Variants in ZCCHC7 observed in about 807,000 individuals in gnomAD.
The protein encoded by ZCCHC7 is zinc finger CCHC-type containing 7.
Under a neutral mutation model 52.0 loss-of-function variants are expected in ZCCHC7, and 35 were observed. The ratio of observed to expected loss-of-function variants is 0.67; its 90% CI spans 0.51 to 0.89. The LOEUF (loss-of-function observed/expected upper bound fraction) is 0.89. Ranked by LOEUF, ZCCHC7 falls within the 40% of genes least tolerant of loss-of-function variation. The pLI is 0.00. For synonymous variants in ZCCHC7, 217 were observed against 221.5 expected (o/e 0.98, Z 0.18); for missense variants, 574 against 649.1 (o/e 0.88, Z 1.26).
chr9:37,347,309 T>C (rs546939583), intron 6 of ZCCHC7, among the ~76,000 whole-genome samples: 29 of 152,348 alleles, frequency 1.9e-4, no homozygotes, highest in East Asian at 1.7e-3. Flanking sequence ...CTTCATCTTA[T>C]TCTGCCGCTT....
chr9:37,226,419 TAA>T (rs1038866369), intron 2 of ZCCHC7, among the ~76,000 whole-genome samples: 19 of 150,656 alleles, frequency 1.3e-4, no homozygotes, highest in African/African-American at 4.2e-4. Context: ...AAAAAAAACT[TAA>T]GTTGAATTTT....
At chr9:37,315,092 T>A (rs1829756215) in intron 5 of ZCCHC7, among the ~76,000 whole-genome samples, 1 of 150,572 alleles carries the variant, frequency 6.6e-6, no homozygotes. Flanking sequence ...AACTTACAAA[T>A]GCCTGTAGAA....
intron 2 of ZCCHC7, among the ~76,000 whole-genome samples, chr9:37,137,694 G>A (rs1588361431): frequency 6.6e-6 from 1 of 152,134 alleles, no homozygotes; most frequent in Non-Finnish European, 1.5e-5. Flanking sequence ...GCTGTTCAAA[G>A]TAGAGCAGGT....
At chr9:37,346,913 C>T (rs1041738895) in intron 6 of ZCCHC7, among the ~76,000 whole-genome samples, 2 of 152,092 alleles carry the variant, frequency 1.3e-5, no homozygotes, top group African/African-American at 4.8e-5. Flanking sequence ...GGAGGATCGC[C>T]TGAGCCTGGG....
intron 2 of ZCCHC7, among the ~76,000 whole-genome samples, chr9:37,129,783 A>G (rs1009360227): frequency 1.3e-5 from 2 of 152,230 alleles, no homozygotes; most frequent in Non-Finnish European, 2.9e-5. Flanking sequence ...GGTCTTTTCC[A>G]TACTCATAAA....
intron 2 of ZCCHC7, among the ~76,000 whole-genome samples, chr9:37,291,727 C>T (rs1213436366): frequency 6.6e-6 from 1 of 151,862 alleles, no homozygotes; most frequent in Non-Finnish European, 1.5e-5. Context: ...GGAGTTTTCT[C>T]TTGTTGCCCA....
chr9:37,182,706 G>T (rs577398987), intron 2 of ZCCHC7, among the ~76,000 whole-genome samples: 2 of 152,348 alleles, frequency 1.3e-5, no homozygotes, highest in African/African-American at 4.8e-5. Context: ...AGACAGCCTT[G>T]TGGAAAATCA....
chr9:37,132,110 C>G (rs1474440863), intron 2 of ZCCHC7, among the ~76,000 whole-genome samples: 2 of 151,928 alleles, frequency 1.3e-5, no homozygotes, highest in African/African-American at 4.8e-5. Context: ...TTATCCCCAG[C>G]AGGAGTGACT....
chr9:37,126,483 G>A lies in ZCCHC7; in HGVS notation c.151G>A (p.Glu51Lys), dbSNP rs1299977979. The A allele has an allele frequency of 1.9e-6, 3 of 1,613,660 alleles. No individual in the cohort carries two copies. Among genetic ancestry groups the A allele is most frequent in the African/African-American group, 2.7e-5 (2 of 75,024 alleles). The change falls in exon 2 of 9, where the codon GAG becomes AAG. Residue 51 changes from glutamate to lysine, a missense_variant. This residue lies in a region of ZCCHC7 where 403 missense variants were observed against 461.2 expected (regional missense o/e 0.87). Coordinates refer to ENST00000336755, the MANE Select transcript of ZCCHC7 (RefSeq NM_032226.3). ...YAQDLDDVIR[E>K]EEHEEKNSGN... ...CCAAGATCTTGATGATGTCATCAGG[G>A]AGGAAGAGCATGAAGAAAAGAACTC...
At chr9:37,175,301 C>T (rs1301795373) in intron 2 of ZCCHC7, among the ~76,000 whole-genome samples, 1 of 152,132 alleles carries the variant, frequency 6.6e-6, no homozygotes, top group Admixed American at 6.6e-5. Flanking sequence ...AGAATAGCAC[C>T]TCCAAACTGA....
At chr9:37,227,012 G>C (rs1034432998) in intron 2 of ZCCHC7, among the ~76,000 whole-genome samples, 27 of 134,918 alleles carry the variant, frequency 2.0e-4, no homozygotes, top group African/African-American at 8.1e-4. Flanking sequence ...CTGGGCGACA[G>C]AGCGAGACTC....
At chr9:37,234,060 G>A (rs896064735) in intron 2 of ZCCHC7, among the ~76,000 whole-genome samples, 2 of 150,926 alleles carry the variant, frequency 1.3e-5, no homozygotes, top group Non-Finnish European at 2.9e-5. Flanking sequence ...CACTATGTTG[G>A]CCAGGGTTTC....
chr9:37,248,317 C>G (rs919582913), intron 2 of ZCCHC7, among the ~76,000 whole-genome samples: 1 of 152,072 alleles, frequency 6.6e-6, no homozygotes, highest in African/African-American at 2.4e-5. Context: ...ATTATACCAC[C>G]CTGCTTCTAG....
chr9:37,302,284 G>C, intron 3 of ZCCHC7, 53 bp downstream of exon 3: 2 of 1,409,500 alleles, frequency 1.4e-6, no homozygotes, highest in Non-Finnish European at 9.9e-7. Flanking sequence ...TTGCTTCATA[G>C]TTTATTATGA....
chr9:37,346,168 A>C (rs1820957970), intron 6 of ZCCHC7, among the ~76,000 whole-genome samples: 1 of 151,996 alleles, frequency 6.6e-6, no homozygotes, highest in African/African-American at 2.4e-5. Context: ...ACGCCTAGCT[A>C]ATTTTTGTAT....
chr9:37,208,299 T>C (rs1824031302), intron 2 of ZCCHC7, among the ~76,000 whole-genome samples: 1 of 152,158 alleles, frequency 6.6e-6, no homozygotes, highest in Admixed American at 6.5e-5. Flanking sequence ...TTGCCCAGGC[T>C]GGTCTTGAAC....
intron 5 of ZCCHC7, among the ~76,000 whole-genome samples, chr9:37,320,368 G>A (rs1157059857): frequency 4.6e-5 from 7 of 152,164 alleles, no homozygotes; most frequent in South Asian, 2.1e-4. Context: ...ATGAGCCACC[G>A]CACCTGGCCA....
intron 2 of ZCCHC7, among the ~76,000 whole-genome samples, chr9:37,134,582 G>A (rs1842922647): frequency 6.6e-6 from 1 of 152,154 alleles, no homozygotes; most frequent in South Asian, 2.1e-4. Flanking sequence ...TCTATCCAGA[G>A]AAGGCAAACC....
chr9:37,184,674 CTCTG>C (rs974153261), intron 2 of ZCCHC7, among the ~76,000 whole-genome samples: 6 of 149,618 alleles, frequency 4.0e-5, no homozygotes, highest in Non-Finnish European at 8.9e-5. Context: ...AAGTTTTAAC[CTCTG>C]TCTGGTGATT....
Sources: gnomAD v4.1 joint callset for allele counts (sites outside exome capture counted in the v4.1 genomes callset) on GRCh38, gnomAD v4.1.1 for gene constraint, gnomAD v4.1.1 regional missense constraint, MANE v1.5 for transcripts, NCBI Gene and HGNC (gene_info 2026-07-23, HGNC 2026-07-21) for gene names.